Variants in PHACTR3 observed in about 807,000 individuals in gnomAD.
The protein encoded by PHACTR3 is phosphatase and actin regulator 3.
PHACTR3 carries 16 observed loss-of-function variants against 66.8 expected under a neutral mutation model. The ratio of observed to expected loss-of-function variants is 0.24; its 90% CI spans 0.16 to 0.36. The LOEUF (loss-of-function observed/expected upper bound fraction) is 0.36. PHACTR3 is among the 10% of genes least tolerant of loss of function. PHACTR3 has a pLI of 1.00. For missense variants in PHACTR3, 647 were observed against 719.9 expected (o/e 0.90, Z 1.16); for synonymous variants, 323 against 292.1 (o/e 1.11, Z -1.08).
chr20:59,650,296 G>T (rs952589238), intron 1 of PHACTR3, among the ~76,000 whole-genome samples: 1 of 152,078 alleles, frequency 6.6e-6, no homozygotes, highest in African/African-American at 2.4e-5. Context: ...GTAAAGGGTT[G>T]CAGATACAAA....
intron 5 of PHACTR3, among the ~76,000 whole-genome samples, chr20:59,769,652 C>T (rs752421298): frequency 1.4e-4 from 22 of 152,216 alleles, no homozygotes; most frequent in African/African-American, 3.6e-4. Flanking sequence ...CCCTGAGAGA[C>T]GGCCACACGT....
upstream of PHACTR3, chr20:59,604,443 C>T (rs2033584335): frequency 4.2e-6 from 1 of 239,254 alleles, no homozygotes; most frequent in Non-Finnish European, 6.8e-6. Flanking sequence ...TGGCCACGCG[C>T]CTTCTCACGC....
intron 1 of PHACTR3, among the ~76,000 whole-genome samples, chr20:59,714,091 A>C (rs2038005243): frequency 6.6e-6 from 1 of 152,152 alleles, no homozygotes; most frequent in Admixed American, 6.5e-5. Flanking sequence ...AAAGTTTTAA[A>C]AATTGAATTC....
intron 1 of PHACTR3, among the ~76,000 whole-genome samples, chr20:59,739,554 G>A (rs991909279): frequency 1.3e-5 from 2 of 152,066 alleles, no homozygotes; most frequent in African/African-American, 2.4e-5. Context: ...CAGGGCGAAG[G>A]GGGAGGAGCC....
At chr20:59,780,181 G>C (rs1182506) in intron 7 of PHACTR3, among the ~76,000 whole-genome samples, 131,816 of 151,974 alleles carry the variant, frequency 0.87, 57,929 homozygotes, top group Middle Eastern at 0.95. Flanking sequence ...CTGTGCTGCT[G>C]CTCCTCCTGC....
chr20:59,784,194 C>T (rs953483075), intron 7 of PHACTR3, among the ~76,000 whole-genome samples: 1 of 152,170 alleles, frequency 6.6e-6, no homozygotes, highest in Non-Finnish European at 1.5e-5. Flanking sequence ...GCGGAATCCA[C>T]TCCAGCCGCT....
intron 1 of PHACTR3, among the ~76,000 whole-genome samples, chr20:59,648,932 T>G (rs2035372888): frequency 6.6e-6 from 1 of 152,210 alleles, no homozygotes; most frequent in Non-Finnish European, 1.5e-5. Flanking sequence ...GAGAGAGTCC[T>G]GTTGTTCCGG....
At chr20:59,806,802 G>A (rs1052912385) in intron 8 of PHACTR3, among the ~76,000 whole-genome samples, 5 of 152,210 alleles carry the variant, frequency 3.3e-5, no homozygotes, top group Admixed American at 1.3e-4. Flanking sequence ...TCTGCAGCAC[G>A]CCTGGCTCCA....
At chr20:59,609,224 C>T (rs933217618) in intron 1 of PHACTR3, among the ~76,000 whole-genome samples, 17 of 152,304 alleles carry the variant, frequency 1.1e-4, no homozygotes, top group South Asian at 2.1e-4. Context: ...GAGCTACAGA[C>T]GGATGCACAG....
intron 8 of PHACTR3, among the ~76,000 whole-genome samples, chr20:59,824,653 G>A (rs2042133905): frequency 6.6e-6 from 1 of 152,194 alleles, no homozygotes; most frequent in South Asian, 2.1e-4. Flanking sequence ...GGCCCATGTG[G>A]AAGGATGTTC....
chr20:59,726,267 C>A (rs2038557614), intron 1 of PHACTR3, among the ~76,000 whole-genome samples: 2 of 152,266 alleles, frequency 1.3e-5, no homozygotes, highest in African/African-American at 4.8e-5. Flanking sequence ...GCATACTGGC[C>A]AGCTTTTTGT....
chr20:59,663,602 T>G (rs1490551932), intron 1 of PHACTR3, among the ~76,000 whole-genome samples: 1 of 152,124 alleles, frequency 6.6e-6, no homozygotes, highest in Non-Finnish European at 1.5e-5. Flanking sequence ...TTAGTAAGGG[T>G]GTGTGCTTTT....
At chr20:59,737,275 AGGCCCTGGGTCCTGTCC>A (rs1305655891) in intron 1 of PHACTR3, among the ~76,000 whole-genome samples, 1 of 152,042 alleles carries the variant, frequency 6.6e-6, no homozygotes, top group African/African-American at 2.4e-5. Flanking sequence ...CTCCCTGAGG[AGGCCCTGGGTCCTGTCC>A]TTCCTCGCGT....
chr20:59,703,064 G>C (rs2017235062), intron 1 of PHACTR3, among the ~76,000 whole-genome samples: 1 of 152,146 alleles, frequency 6.6e-6, no homozygotes, highest in Non-Finnish European at 1.5e-5. Flanking sequence ...CCTTTGAAAG[G>C]TGTTTATGTT....
chr20:59,589,645 C>T (rs994585536), intron 1 of PHACTR3, among the ~76,000 whole-genome samples: 12 of 152,174 alleles, frequency 7.9e-5, no homozygotes, highest in African/African-American at 1.2e-4. Context: ...CCCAGCTCCA[C>T]GGACTCTGCT....
At chr20:59,586,802 C>G (rs1238251074) in intron 1 of PHACTR3, among the ~76,000 whole-genome samples, 2 of 152,182 alleles carry the variant, frequency 1.3e-5, no homozygotes, top group Middle Eastern at 3.2e-3. Context: ...GAGATGAGCT[C>G]CACTTGGTGG....
intron 4 of PHACTR3, among the ~76,000 whole-genome samples, chr20:59,756,749 T>A (rs1037411181): frequency 6.6e-6 from 1 of 152,224 alleles, no homozygotes; most frequent in Admixed American, 6.5e-5. Context: ...TGTATACATG[T>A]GCCACGTTGG....
intron 1 of PHACTR3, among the ~76,000 whole-genome samples, chr20:59,723,972 ATCC>A (rs1264816359): frequency 1.3e-5 from 2 of 152,052 alleles, no homozygotes; most frequent in Non-Finnish European, 2.9e-5. Context: ...CCTGGTCTGC[ATCC>A]TCCCCACTGT....
chr20:59,698,366 G>C (rs1422666496), intron 1 of PHACTR3, among the ~76,000 whole-genome samples: 1 of 151,956 alleles, frequency 6.6e-6, no homozygotes, highest in Non-Finnish European at 1.5e-5. Flanking sequence ...GAGAGCTGTA[G>C]GTATCAGACT....
Sources: gnomAD v4.1 joint callset for allele counts (sites outside exome capture counted in the v4.1 genomes callset) on GRCh38, gnomAD v4.1.1 for gene constraint, MANE v1.5 for transcripts, NCBI Gene and HGNC (gene_info 2026-07-23, HGNC 2026-07-21) for gene names.